Variants in CTNNA2 observed in about 807,000 individuals in gnomAD.
CTNNA2 encodes the protein catenin alpha 2.
CTNNA2 carries 42 observed loss-of-function variants against 101.0 expected under a neutral mutation model. The ratio of observed to expected loss-of-function variants is 0.42; its 90% CI spans 0.32 to 0.54. The LOEUF (loss-of-function observed/expected upper bound fraction) is 0.54, where lower values mean the gene tolerates loss of function less well. CTNNA2 is among the 20% of genes least tolerant of loss of function. The pLI is 0.14. For missense variants in CTNNA2, 871 were observed against 1,223.1 expected (o/e 0.71, Z 4.29); for synonymous variants, 450 against 456.4 (o/e 0.99, Z 0.18).
At chr2:80,551,222 G>A (rs1030038829) in intron 11 of CTNNA2, among the ~76,000 whole-genome samples, 2 of 152,142 alleles carry the variant, frequency 1.3e-5, no homozygotes, top group Non-Finnish European at 2.9e-5. Flanking sequence ...AGTAAACCAT[G>A]CTATAAACAG....
At chr2:80,467,915 T>G (rs1300238613) in intron 9 of CTNNA2, among the ~76,000 whole-genome samples, 1 of 152,198 alleles carries the variant, frequency 6.6e-6, no homozygotes, top group African/African-American at 2.4e-5. Flanking sequence ...TTGCAAGCAA[T>G]AAATTTCTGT....
At chr2:79,865,292 T>C (rs1244791913) in intron 4 of CTNNA2, among the ~76,000 whole-genome samples, 1 of 152,206 alleles carries the variant, frequency 6.6e-6, no homozygotes, top group Non-Finnish European at 1.5e-5. Context: ...CCAGAGTATC[T>C]GATTAAATAA....
chr2:79,594,467 G>A (rs1014293369), intron 1 of CTNNA2, among the ~76,000 whole-genome samples: 1 of 152,202 alleles, frequency 6.6e-6, no homozygotes, highest in African/African-American at 2.4e-5. Context: ...TCATTGTGAA[G>A]ACTGTATGAT....
intron 7 of CTNNA2, among the ~76,000 whole-genome samples, chr2:80,371,057 T>TA (rs75749453): frequency 0.24 from 36,037 of 152,050 alleles, 4,417 homozygotes; most frequent in East Asian, 0.4. Context: ...TGTATCCCTA[T>TA]ATCTTCAGAG....
At chr2:79,949,867 A>G (rs1329642210) in intron 7 of CTNNA2, among the ~76,000 whole-genome samples, 1 of 152,180 alleles carries the variant, frequency 6.6e-6, no homozygotes, top group Non-Finnish European at 1.5e-5. Flanking sequence ...ATTCTTTTCC[A>G]TATTTTAGTT....
At chr2:80,046,276 C>G (rs1696518254) in intron 7 of CTNNA2, among the ~76,000 whole-genome samples, 1 of 152,182 alleles carries the variant, frequency 6.6e-6, no homozygotes, top group South Asian at 2.1e-4. Flanking sequence ...GGAAAATTCT[C>G]TGGTCACCAG....
At chr2:79,858,221 G>A (rs1221752237) in intron 4 of CTNNA2, 42 bp downstream of exon 4, 8 of 1,515,050 alleles carry the variant, frequency 5.3e-6, no homozygotes, top group Non-Finnish European at 7.3e-6. Context: ...TATGTGAGTG[G>A]CAATCTTGAC....
intron 1 of CTNNA2, among the ~76,000 whole-genome samples, chr2:79,579,586 G>A (rs114114265): frequency 0.032 from 4,805 of 152,050 alleles, 120 homozygotes; most frequent in Non-Finnish European, 0.051. Flanking sequence ...CCAAATCTTT[G>A]GTTGCTCTTA....
At position 80,131,051 on chromosome 2, in the gene CTNNA2, T is replaced by TTTTG. The variant is rs956279559; in HGVS notation, c.1056+221274_1056+221277dup. Among the ~76,000 whole-genome samples the TTTTG allele has an allele frequency of 2.0e-3, 297 of 152,060 alleles. 2 individuals carry two copies. The highest frequency in any genetic ancestry group is 6.5e-3 in the African/African-American group (268 of 41,506). The stretch of plus-strand genomic sequence containing the variant: ...TTGTACCAATGTCAATTTCCTGTTT[T>TTTTG]TTTGTTTGTTTGTTTGTTTGTTTTG... On this transcript the variant is annotated intron_variant, in intron 7 of 18. Transcript: ENST00000402739.
intron 3 of CTNNA2, among the ~76,000 whole-genome samples, chr2:79,746,970 T>G (rs1671692146): frequency 6.6e-6 from 1 of 152,186 alleles, no homozygotes; most frequent in African/African-American, 2.4e-5. Context: ...AAGAGGTGAA[T>G]GAATGGTCTC....
chr2:79,246,913 A>G (rs1488770389), intron 2 of CTNNA2, among the ~76,000 whole-genome samples: 1 of 152,268 alleles, frequency 6.6e-6, no homozygotes, highest in Non-Finnish European at 1.5e-5. Flanking sequence ...GAGAGAGAAG[A>G]GTCCATAGTT....
chr2:80,215,741 C>T (rs56392514), intron 7 of CTNNA2, among the ~76,000 whole-genome samples: 8,176 of 152,288 alleles, frequency 0.054, 311 homozygotes, highest in Non-Finnish European at 0.082. Context: ...TCTGTCCGTT[C>T]TCAGATCTCA....
intron 4 of CTNNA2, among the ~76,000 whole-genome samples, chr2:79,452,081 T>C (rs1275435069): frequency 6.6e-6 from 1 of 152,144 alleles, no homozygotes; most frequent in African/African-American, 2.4e-5. Context: ...ACATTTCATC[T>C]TTATTTTTCT....
At chr2:80,234,893 C>A (rs891048226) in intron 7 of CTNNA2, among the ~76,000 whole-genome samples, 11 of 151,720 alleles carry the variant, frequency 7.3e-5, no homozygotes, top group African/African-American at 2.7e-4. Flanking sequence ...TTTAACTCAG[C>A]CATAAAGATC....
At chr2:79,483,384 G>A (rs1305145772) in intron 4 of CTNNA2, among the ~76,000 whole-genome samples, 2 of 152,148 alleles carry the variant, frequency 1.3e-5, no homozygotes, top group Non-Finnish European at 2.9e-5. Context: ...ATCAGAAAAG[G>A]GGCACATCAT....
chr2:80,629,410 C>T (rs909675287), intron 18 of CTNNA2, among the ~76,000 whole-genome samples: 2 of 152,072 alleles, frequency 1.3e-5, no homozygotes, highest in African/African-American at 4.8e-5. Context: ...TCATGGGTAG[C>T]CAACCAAAAT....
intron 7 of CTNNA2, among the ~76,000 whole-genome samples, chr2:80,290,576 C>G (rs1442903064): frequency 2.0e-5 from 3 of 151,842 alleles, no homozygotes; most frequent in Admixed American, 6.6e-5. Context: ...TCCCACTGCC[C>G]CCTTGAAAAT....
intron 1 of CTNNA2, among the ~76,000 whole-genome samples, chr2:79,587,581 C>T (rs1272455068): frequency 4.6e-5 from 7 of 152,130 alleles, no homozygotes; most frequent in African/African-American, 9.7e-5. Flanking sequence ...CTAATGTCCA[C>T]TCTTCTAGTC....
intron 1 of CTNNA2, among the ~76,000 whole-genome samples, chr2:79,557,392 A>G (rs1295816298): frequency 2.6e-5 from 4 of 151,966 alleles, no homozygotes; most frequent in Non-Finnish European, 5.9e-5. Flanking sequence ...GCTAGTATCC[A>G]CAAGAGACAT....
Sources: allele counts gnomAD v4.1 joint callset (sites outside exome capture counted in the v4.1 genomes callset), GRCh38; gene constraint gnomAD v4.1.1; transcripts MANE v1.5; gene names NCBI Gene and HGNC (gene_info 2026-07-23, HGNC 2026-07-21).